The following HS6ST3 variants were observed in gnomAD, a reference collection of about 807,000 sequenced individuals.
The protein encoded by HS6ST3 is heparan-sulfate 6-O-sulfotransferase 3.
Under a neutral mutation model 36.7 loss-of-function variants are expected in HS6ST3, and 12 were observed. That is an observed-to-expected ratio of 0.33 (90% CI 0.21 to 0.53). HS6ST3 has a LOEUF of 0.53. Among genes scored for constraint, HS6ST3 ranks in the 20% least tolerant of loss-of-function variants. The pLI, the probability that HS6ST3 is intolerant of heterozygous loss-of-function variation, is 0.95. For synonymous variants in HS6ST3, 240 were observed against 257.5 expected, an observed-to-expected ratio of 0.93 and a Z score of 0.65; for missense variants, 584 against 640.9, an observed-to-expected ratio of 0.91 and a Z score of 0.96.
At chr13:96,412,381 G>C (rs542048722) in intron 1 of HS6ST3, among the ~76,000 whole-genome samples, 8 of 152,300 alleles carry the variant, frequency 5.3e-5, no homozygotes, top group Non-Finnish European at 1.2e-4. Context: ...ATCAAGATCA[G>C]AGATAAAGAT....
At chr13:96,282,941 G>T (rs1397208891) in intron 1 of HS6ST3, among the ~76,000 whole-genome samples, 1 of 152,148 alleles carries the variant, frequency 6.6e-6, no homozygotes, top group Non-Finnish European at 1.5e-5. Flanking sequence ...ATACAAGCCT[G>T]GTTACCTAAG....
chr13:96,166,706 C>T (rs1006240186), intron 1 of HS6ST3, among the ~76,000 whole-genome samples: 1 of 151,716 alleles, frequency 6.6e-6, no homozygotes, highest in South Asian at 2.1e-4. Flanking sequence ...GCCACTGTAC[C>T]CTGCCATAAC....
intron 1 of HS6ST3, among the ~76,000 whole-genome samples, chr13:96,800,617 A>G (rs1427423982): frequency 1.3e-5 from 2 of 152,034 alleles, no homozygotes; most frequent in East Asian, 3.9e-4. Context: ...AAACCAATAA[A>G]TACAAATCTA....
chr13:96,669,355 T>A (rs2138430069), intron 1 of HS6ST3, among the ~76,000 whole-genome samples: 1 of 152,186 alleles, frequency 6.6e-6, no homozygotes, highest in East Asian at 1.9e-4. Flanking sequence ...GGTAACTGGA[T>A]CCTTCCTTCT....
intron 1 of HS6ST3, among the ~76,000 whole-genome samples, chr13:96,454,643 G>GT (rs773426355): frequency 1.4e-4 from 21 of 151,682 alleles, no homozygotes; most frequent in African/African-American, 4.6e-4. Context: ...AAAACATTTA[G>GT]GTTTTTTTAA....
intron 1 of HS6ST3, among the ~76,000 whole-genome samples, chr13:96,741,618 T>C (rs1876440583): frequency 6.6e-6 from 1 of 152,156 alleles, no homozygotes; most frequent in Admixed American, 6.6e-5. Context: ...GGGAGGTTGC[T>C]TGATAAAAAT....
intron 1 of HS6ST3, among the ~76,000 whole-genome samples, chr13:96,174,316 C>T (rs953573765): frequency 6.6e-6 from 1 of 152,098 alleles, no homozygotes; most frequent in Non-Finnish European, 1.5e-5. Flanking sequence ...TTTTCAACTT[C>T]AGATAATATC....
At chr13:96,348,687 G>A (rs1397252048) in intron 1 of HS6ST3, among the ~76,000 whole-genome samples, 1 of 152,152 alleles carries the variant, frequency 6.6e-6, no homozygotes, top group African/African-American at 2.4e-5. Flanking sequence ...TAGCATCCAA[G>A]GCAGTTGGAA....
chr13:96,438,556 G>T (rs555224018), intron 1 of HS6ST3, among the ~76,000 whole-genome samples: 2 of 152,112 alleles, frequency 1.3e-5, no homozygotes, highest in African/African-American at 2.4e-5. Context: ...GCTACTTGGG[G>T]CATTTCATTG....
intron 1 of HS6ST3, among the ~76,000 whole-genome samples, chr13:96,369,309 C>T (rs1566339941): frequency 6.6e-6 from 1 of 152,074 alleles, no homozygotes. Context: ...AACTGCAGGA[C>T]AGTGTGCAGA....
At chr13:96,213,512 C>T (rs2054408921) in intron 1 of HS6ST3, among the ~76,000 whole-genome samples, 1 of 150,304 alleles carries the variant, frequency 6.7e-6, no homozygotes, top group South Asian at 2.1e-4. Flanking sequence ...TGGCCGACTG[C>T]CTCTGTGTAG....
intron 1 of HS6ST3, among the ~76,000 whole-genome samples, chr13:96,104,523 G>A (rs1230107878): frequency 6.6e-6 from 1 of 152,192 alleles, no homozygotes; most frequent in Non-Finnish European, 1.5e-5. Context: ...CTAATTCCTA[G>A]AGTTAGTAAA....
At chr13:96,821,502 G>A (rs575142496) in intron 1 of HS6ST3, among the ~76,000 whole-genome samples, 1 of 152,314 alleles carries the variant, frequency 6.6e-6, no homozygotes, top group East Asian at 1.9e-4. Context: ...TGACTCAAAG[G>A]GTTGTTTTGA....
intron 1 of HS6ST3, among the ~76,000 whole-genome samples, chr13:96,121,799 A>T (rs1420757195): frequency 3.3e-5 from 5 of 152,156 alleles, no homozygotes; most frequent in Non-Finnish European, 7.3e-5. Flanking sequence ...ACTCCATGAA[A>T]TTCATCCCAA....
chr13:96,433,001 C>T (rs1387912462), intron 1 of HS6ST3, among the ~76,000 whole-genome samples: 2 of 152,118 alleles, frequency 1.3e-5, no homozygotes, highest in Non-Finnish European at 2.9e-5. Flanking sequence ...AAATCCTGGG[C>T]AGGCCTATTT....
chr13:96,242,119 G>A (rs958481617), intron 1 of HS6ST3, among the ~76,000 whole-genome samples: 1 of 151,998 alleles, frequency 6.6e-6, no homozygotes, highest in South Asian at 2.1e-4. Flanking sequence ...AGAAGTGGGG[G>A]CCGGGCGCAT....
At chr13:96,613,290 A>G (rs936600207) in intron 1 of HS6ST3, among the ~76,000 whole-genome samples, 6 of 152,250 alleles carry the variant, frequency 3.9e-5, no homozygotes, top group African/African-American at 1.4e-4. Flanking sequence ...CACCTATGCC[A>G]TAGGTGGTAA....
intron 1 of HS6ST3, among the ~76,000 whole-genome samples, 180 bp downstream of exon 1, chr13:96,091,749 C>A (rs970657645): frequency 3.3e-5 from 5 of 152,022 alleles, no homozygotes; most frequent in Admixed American, 1.3e-4. Context: ...AGGTCCTGAA[C>A]TCGTTCTTCC....
At chr13:96,383,665 T>C (rs556322524) in intron 1 of HS6ST3, among the ~76,000 whole-genome samples, 116 of 152,226 alleles carry the variant, frequency 7.6e-4, no homozygotes, top group Middle Eastern at 3.4e-3. Flanking sequence ...ATGTGAACTA[T>C]GAAAGGCTCA....
Sources: allele counts gnomAD v4.1 joint callset (sites outside exome capture counted in the v4.1 genomes callset), GRCh38; gene constraint gnomAD v4.1.1; transcripts MANE v1.5; gene names NCBI Gene and HGNC (gene_info 2026-07-23, HGNC 2026-07-21).